KDM4C: variants seen among roughly 807,000 people sequenced by gnomAD.
KDM4C encodes lysine-specific demethylase 4C.
A neutral mutation model predicts 129.3 loss-of-function variants in KDM4C; 81 were observed. The observed-to-expected ratio is 0.63, with a 90% CI of 0.52 to 0.75. The LOEUF (loss-of-function observed/expected upper bound fraction) is 0.75. KDM4C is among the 30% of genes least tolerant of loss of function. The probability of loss-of-function intolerance (pLI) is 0.00; values close to 1 mark genes in which losing one functional copy is unlikely to be tolerated. For missense variants in KDM4C, 1,457 were observed against 1,304.0 expected (o/e 1.12, Z -1.81); for synonymous variants, 573 against 456.1 (o/e 1.26, Z -3.26).
At chr9:6,892,555 A>T (rs1484563399) in intron 7 of KDM4C, among the ~76,000 whole-genome samples, 2 of 152,182 alleles carry the variant, frequency 1.3e-5, no homozygotes, top group Non-Finnish European at 2.9e-5. Context: ...TTTTAACAGA[A>T]GTTTTACTGT....
chr9:6,895,338 A>G (rs1298954371), intron 8 of KDM4C, among the ~76,000 whole-genome samples: 1 of 152,198 alleles, frequency 6.6e-6, no homozygotes, highest in Non-Finnish European at 1.5e-5. Flanking sequence ...TTGTTGGCTG[A>G]ATTCACTTCC....
chr9:7,026,710 G>T (rs1825874183), intron 15 of KDM4C, among the ~76,000 whole-genome samples: 2 of 152,084 alleles, frequency 1.3e-5, no homozygotes, highest in South Asian at 4.2e-4. Context: ...CTGCGTTAAG[G>T]CTAGTGACTC....
At position 6,808,008 on chromosome 9, in the gene KDM4C, T is replaced by G. The variant is rs868164526; in HGVS notation, c.320+2234T>G. Among the ~76,000 whole-genome samples the G allele has an allele frequency of 2.8e-4, 16 of 56,830 alleles. No individual in the cohort carries two copies. The South Asian group carries it at 9.5e-3, about 34-fold the overall frequency. The allele number at this position is 56,830 out of a possible 152,430, so 37.3% of individuals were successfully genotyped here. On this transcript the variant is annotated intron_variant, in intron 3 of 21. Coordinates refer to ENST00000381309, the MANE Select transcript of KDM4C (RefSeq NM_015061.6). ...GGGAGGTGGGGGGGGTCAGCCCCCC[T>G]GCCCGGCCAGCCGCCCCGTCCGGGA...
intron 17 of KDM4C, among the ~76,000 whole-genome samples, chr9:7,061,511 A>T (rs534839270): frequency 2.5e-4 from 38 of 151,724 alleles, no homozygotes; most frequent in Admixed American, 2.5e-3. Context: ...TCGGATAGTT[A>T]ACTTGAAATA....
At chr9:6,844,044 C>T (rs1231620480) in intron 4 of KDM4C, among the ~76,000 whole-genome samples, 1 of 151,998 alleles carries the variant, frequency 6.6e-6, no homozygotes, top group African/African-American at 2.4e-5. Context: ...TCTTTATTGC[C>T]CAGGATCGTC....
chr9:7,130,964 G>A (rs552416895), intron 19 of KDM4C, among the ~76,000 whole-genome samples: 13 of 150,278 alleles, frequency 8.7e-5, no homozygotes, highest in African/African-American at 3.2e-4. Context: ...AGATGGTGTC[G>A]AACTGCGTTG....
At chr9:7,019,373 A>G (rs1824245180) in intron 15 of KDM4C, among the ~76,000 whole-genome samples, 2 of 152,246 alleles carry the variant, frequency 1.3e-5, no homozygotes, top group South Asian at 2.1e-4. Flanking sequence ...ATGGAAATCA[A>G]ATAGTGCAGC....
chr9:7,014,032 G>A (rs755061819), intron 14 of KDM4C, 31 bp downstream of exon 14: 16 of 1,560,830 alleles, frequency 1.0e-5, no homozygotes, highest in Non-Finnish European at 1.4e-5. Flanking sequence ...TCAATCACTG[G>A]CTTTTCAGCA....
intron 20 of KDM4C, among the ~76,000 whole-genome samples, chr9:7,166,831 A>T (rs1486054692): frequency 6.6e-6 from 1 of 152,228 alleles, no homozygotes; most frequent in Admixed American, 6.5e-5. Flanking sequence ...TCAACATAAA[A>T]CTATGAGCAT....
chr9:6,955,692 A>G (rs1828941053), intron 8 of KDM4C, among the ~76,000 whole-genome samples: 1 of 152,106 alleles, frequency 6.6e-6, no homozygotes, highest in South Asian at 2.1e-4. Context: ...AATAGTTATA[A>G]TCTTTTGGCT....
Position 7,039,946 on chromosome 9 carries a change from C to G in KDM4C, c.2260-6916C>G, listed in dbSNP as rs993840010. The stretch of plus-strand genomic sequence containing the variant: ...GGCTCATATCATTTTGCATCTAATT[C>G]CACTACTAATTTTTGCTGATAGAAC... On this transcript the variant is annotated intron_variant, in intron 15 of 21. Transcript: ENST00000381309. Among the ~76,000 whole-genome samples, 5 of 151,958 alleles carry G rather than the reference C, an allele frequency of 3.3e-5. No homozygotes were observed. The East Asian group carries it at 9.7e-4, about 29-fold the overall frequency.
intron 15 of KDM4C, among the ~76,000 whole-genome samples, chr9:7,034,069 T>C (rs1277736164): frequency 6.6e-6 from 1 of 152,142 alleles, no homozygotes; most frequent in Non-Finnish European, 1.5e-5. Context: ...GATTGTTGCT[T>C]TTCTTAAAAA....
intron 1 of KDM4C, among the ~76,000 whole-genome samples, chr9:6,729,819 C>G (rs935037251): frequency 7.5e-6 from 1 of 133,780 alleles, no homozygotes; most frequent in Non-Finnish European, 1.5e-5. Context: ...CTTAATAAAG[C>G]CTTCCTTAGG....
intron 8 of KDM4C, among the ~76,000 whole-genome samples, chr9:6,914,662 T>TA (rs1450622252): frequency 6.6e-6 from 1 of 152,230 alleles, no homozygotes; most frequent in Non-Finnish European, 1.5e-5. Context: ...GTGGGGCCTG[T>TA]AGTAAATGAT....
intron 5 of KDM4C, among the ~76,000 whole-genome samples, chr9:6,876,397 T>C (rs1843559583): frequency 6.6e-6 from 1 of 152,166 alleles, no homozygotes; most frequent in Non-Finnish European, 1.5e-5. Context: ...GTCGATCTGT[T>C]CCGTGTTGTT....
intron 17 of KDM4C, among the ~76,000 whole-genome samples, chr9:7,052,894 A>AGAGAGAGAGCGAGAGAGC (rs1339242817): frequency 1.9e-5 from 2 of 105,468 alleles, no homozygotes; most frequent in African/African-American, 3.5e-5. Context: ...AGAGAGAGAG[A>AGAGAGAGAGCGAGAGAGC]GAGAGAGCGA....
In KDM4C at chr9:6,967,463, G is replaced by A. The variant is rs149570855; in HGVS notation, c.922-13462G>A. On this transcript the variant is annotated intron_variant, in intron 8 of 21. Coordinates refer to ENST00000381309, the MANE Select transcript of KDM4C (RefSeq NM_015061.6). ...AAAATTGTACAGACTCTTGAGAAAG[G>A]AAGATATGCAAGATTAAAACGTTCA... is the stretch of plus-strand genomic sequence containing the variant. 2.5e-4 allele frequency among the ~76,000 whole-genome samples: 38 copies of A among 151,676 alleles called. No individual in the cohort carries two copies. In the South Asian group the frequency reaches 7.3e-3, roughly 29 times the overall value.
At chr9:7,016,208 A>G (rs999526474) in intron 15 of KDM4C, among the ~76,000 whole-genome samples, 5 of 151,868 alleles carry the variant, frequency 3.3e-5, no homozygotes, top group African/African-American at 9.7e-5. Context: ...GCTCACTGCA[A>G]GCTCCACCTT....
chr9:7,154,375 GA>G (rs1842969452), intron 19 of KDM4C, among the ~76,000 whole-genome samples: 1 of 152,226 alleles, frequency 6.6e-6, no homozygotes, highest in Non-Finnish European at 1.5e-5. Context: ...TAACTACTGG[GA>G]ACACATGTGC....
Sources: allele counts gnomAD v4.1 joint callset (sites outside exome capture counted in the v4.1 genomes callset), GRCh38; gene constraint gnomAD v4.1.1; transcripts MANE v1.5; gene names NCBI Gene and HGNC (gene_info 2026-07-23, HGNC 2026-07-21).